Variants in BOLL observed in about 807,000 individuals in gnomAD.
BOLL encodes protein boule-like.
Under a neutral mutation model 44.4 loss-of-function variants are expected in BOLL, and 23 were observed. The observed-to-expected ratio is 0.52, with a 90% CI of 0.37 to 0.73. The LOEUF (loss-of-function observed/expected upper bound fraction) is 0.73. Ranked by LOEUF, BOLL falls within the 30% of genes least tolerant of loss-of-function variation. The probability of loss-of-function intolerance (pLI) is 0.00; values close to 1 mark genes in which losing one functional copy is unlikely to be tolerated. For synonymous variants in BOLL, 97 were observed against 110.8 expected (o/e 0.88, Z 0.78); for missense variants, 287 against 338.3 (o/e 0.85, Z 1.19).
At chr2:197,741,916 G>A (rs887594495) in intron 10 of BOLL, among the ~76,000 whole-genome samples, 3 of 152,112 alleles carry the variant, frequency 2.0e-5, no homozygotes, top group Non-Finnish European at 2.9e-5. Context: ...CTACTCCTCT[G>A]ACAAAGGATA....
upstream of BOLL, chr2:197,786,043 A>C (rs374403613): frequency 1.3e-5 from 21 of 1,605,284 alleles, no homozygotes; most frequent in Non-Finnish European, 1.8e-5. The surrounding 1 kb of genome is among the most constrained non-coding windows in gnomAD (Gnocchi z 5.9). Context: ...TAGGGAAAAG[A>C]AGCCTAAAGT....
intron 9 of BOLL, among the ~76,000 whole-genome samples, chr2:197,746,915 A>AG (rs1243553781): frequency 6.6e-6 from 1 of 151,616 alleles, no homozygotes; most frequent in East Asian, 1.9e-4. Context: ...AAAAAAAAAA[A>AG]AAAGCAGAGA....
At chr2:197,778,921 C>A in intron 3 of BOLL, 54 bp downstream of exon 3, 1 of 1,459,260 alleles carries the variant, frequency 6.9e-7, no homozygotes, top group South Asian at 1.2e-5. Context: ...AAAACCTAGT[C>A]ATCCAATGAA....
rs1276754844 is a variant in BOLL at position 197,746,268 on chromosome 2, T to C, written c.730-3109A>G. 5.3e-5 allele frequency among the ~76,000 whole-genome samples: 8 copies of C among 152,312 alleles called. No individual in the cohort carries two copies. The East Asian group carries it at 1.5e-3, about 29-fold the overall frequency. ...TCTCAGAAAATTAAGAATACTATCATGTGATCTAGAAATCCCACTACTGTG... is the reference window on the plus strand; with the variant it reads ...TCTCAGAAAATTAAGAATACTATCACGTGATCTAGAAATCCCACTACTGTG... On this transcript the variant is annotated intron_variant, in intron 9 of 10. Coordinates refer to ENST00000392296, the MANE Select transcript of BOLL (RefSeq NM_033030.6).
At chr2:197,785,883 TGG>T (rs1249794784), upstream of BOLL, 3 of 1,020,876 alleles carry the variant, frequency 2.9e-6, no homozygotes, top group African/African-American at 4.7e-5. This position sits in a 1 kb window ranked among gnomAD's most constrained non-coding sequence, Gnocchi z 6.7. Flanking sequence ...AGCGAGCGTT[TGG>T]GGCCTTCACC....
Position 197,781,036 on chromosome 2 carries a change from CTTTTA to C in BOLL, c.129+681_129+685del, listed in dbSNP as rs780125733. ...TATAAATATATTAGTTTTTAAAAAA[CTTTTA>C]TTTTAAGTTCGGGGTACACGTGCAG... On this transcript the variant is annotated intron_variant, in intron 2 of 10. Coordinates refer to ENST00000392296, the MANE Select transcript of BOLL (RefSeq NM_033030.6). 5.9e-4 allele frequency among the ~76,000 whole-genome samples: 89 copies of C among 152,082 alleles called. 1 individual carries two copies. The highest frequency in any genetic ancestry group is 1.7e-3 in the African/African-American group (70 of 41,532).
chr2:197,779,184 C>T (rs1294866802), intron 2 of BOLL, 118 bp from the exon 3 acceptor site: 6 of 697,994 alleles, frequency 8.6e-6, no homozygotes, highest in South Asian at 1.9e-5. Flanking sequence ...AAATGCCTCT[C>T]ATCATCAAAA....
intron 7 of BOLL, among the ~76,000 whole-genome samples, chr2:197,764,889 C>G (rs919657725): frequency 6.6e-6 from 1 of 152,000 alleles, no homozygotes; most frequent in East Asian, 1.9e-4. Flanking sequence ...TGAGTTGCAA[C>G]TGTCATCACT....
At chr2:197,733,832 C>A (rs1244898508) in intron 10 of BOLL, among the ~76,000 whole-genome samples, 1 of 152,058 alleles carries the variant, frequency 6.6e-6, no homozygotes, top group Admixed American at 6.6e-5. Context: ...TAAAGACTTA[C>A]ATGTTAGACG....
chr2:197,751,843 A>T (rs1207224991), intron 9 of BOLL, among the ~76,000 whole-genome samples: 1 of 151,926 alleles, frequency 6.6e-6, no homozygotes, highest in South Asian at 2.1e-4. Flanking sequence ...ACCAACAAAA[A>T]AAAAAAAAGA....
chr2:197,730,737 A>G (rs937800911), intron 10 of BOLL, among the ~76,000 whole-genome samples: 72 of 152,180 alleles, frequency 4.7e-4, no homozygotes, highest in Non-Finnish European at 5.0e-4. Flanking sequence ...AAGGAGAAAT[A>G]AAATCTTTTA....
intron 5 of BOLL, chr2:197,773,925 G>A: frequency 2.7e-6 from 1 of 376,228 alleles, no homozygotes; most frequent in South Asian, 2.1e-5. Flanking sequence ...TGTTGGTAAT[G>A]GAGATGGAAA....
intron 10 of BOLL, among the ~76,000 whole-genome samples, chr2:197,741,336 C>T (rs1340843124): frequency 6.6e-6 from 1 of 151,994 alleles, no homozygotes; most frequent in African/African-American, 2.4e-5. Context: ...GATTTTGTAT[C>T]CTGAGACTTT....
intron 10 of BOLL, among the ~76,000 whole-genome samples, chr2:197,734,356 C>G (rs938408163): frequency 6.6e-6 from 1 of 152,114 alleles, no homozygotes; most frequent in African/African-American, 2.4e-5. Flanking sequence ...CACTTTTACA[C>G]TGTTGGTGGG....
intron 9 of BOLL, among the ~76,000 whole-genome samples, chr2:197,744,558 C>T (rs923585727): frequency 2.6e-5 from 4 of 152,112 alleles, no homozygotes; most frequent in African/African-American, 4.8e-5. Context: ...TAGACTTCAG[C>T]AGGTGAGGAG....
intron 10 of BOLL, among the ~76,000 whole-genome samples, chr2:197,738,285 T>C (rs890338355): frequency 1.4e-4 from 21 of 152,234 alleles, no homozygotes; most frequent in African/African-American, 4.8e-4. Flanking sequence ...TCTCGCCATA[T>C]TGCCAGGCTG....
chr2:197,744,259 T>C (rs1272862021), intron 9 of BOLL, among the ~76,000 whole-genome samples: 1 of 151,944 alleles, frequency 6.6e-6, no homozygotes, highest in African/African-American at 2.4e-5. Flanking sequence ...AACTCAGGAG[T>C]GAGACGGAGG....
intron 7 of BOLL, chr2:197,758,900 G>A (rs1446970805): frequency 6.7e-7 from 1 of 1,501,520 alleles, no homozygotes; most frequent in Non-Finnish European, 8.9e-7. Flanking sequence ...TATTGCTAAA[G>A]ACTTTTTAGA....
At chr2:197,778,157 G>A (rs1689599971) in intron 3 of BOLL, among the ~76,000 whole-genome samples, 1 of 151,908 alleles carries the variant, frequency 6.6e-6, no homozygotes, top group Non-Finnish European at 1.5e-5. Flanking sequence ...TTCTGAGGAA[G>A]TATCTCATCT....
Sources: allele counts gnomAD v4.1 joint callset (sites outside exome capture counted in the v4.1 genomes callset), GRCh38; gene constraint gnomAD v4.1.1; non-coding constraint Gnocchi (gnomAD v3.1); transcripts MANE v1.5; gene names NCBI Gene and HGNC (gene_info 2026-07-23, HGNC 2026-07-21).